Variants in KHDRBS2 observed in about 807,000 individuals in gnomAD.
KHDRBS2 encodes KH RNA binding domain containing, signal transduction associated 2.
A neutral mutation model predicts 44.3 loss-of-function variants in KHDRBS2; 26 were observed. The ratio of observed to expected loss-of-function variants is 0.59; its 90% CI spans 0.43 to 0.81. The LOEUF (loss-of-function observed/expected upper bound fraction) is 0.81. Among genes scored for constraint, KHDRBS2 ranks in the 40% least tolerant of loss-of-function variants. The pLI, the probability that KHDRBS2 is intolerant of heterozygous loss-of-function variation, is 0.00. For missense variants in KHDRBS2, 476 were observed against 433.1 expected, an observed-to-expected ratio of 1.10 and a Z score of -0.88; for synonymous variants, 194 against 151.1, an observed-to-expected ratio of 1.28 and a Z score of -2.08.
chr6:62,132,564 C>T (rs1243651547), intron 2 of KHDRBS2, among the ~76,000 whole-genome samples: 1 of 152,126 alleles, frequency 6.6e-6, no homozygotes, highest in East Asian at 1.9e-4. Context: ...AAGCAGCTAC[C>T]ATGGTTGAAG....
At chr6:61,757,410 G>A (rs774826199) in intron 6 of KHDRBS2, among the ~76,000 whole-genome samples, 8 of 152,002 alleles carry the variant, frequency 5.3e-5, no homozygotes, top group Non-Finnish European at 1.0e-4. Context: ...TTTTTGATTG[G>A]TGTTAGAATA....
At chr6:61,649,537 CTATT>C in the KHDRBS2 span, among the ~76,000 whole-genome samples, 1 of 152,076 alleles carries the variant, frequency 6.6e-6, no homozygotes, top group Admixed American at 6.6e-5. Context: ...AATCAAATGC[CTATT>C]TATCATCTCC....
intron 6 of KHDRBS2, among the ~76,000 whole-genome samples, chr6:61,803,673 T>C (rs1266741122): frequency 1.3e-5 from 2 of 152,250 alleles, no homozygotes; most frequent in East Asian, 1.9e-4. Flanking sequence ...GACTGGGTAA[T>C]TTATGAAGAA....
chr6:62,014,487 G>T (rs958631332), intron 3 of KHDRBS2, among the ~76,000 whole-genome samples: 1 of 152,082 alleles, frequency 6.6e-6, no homozygotes, highest in Non-Finnish European at 1.5e-5. Flanking sequence ...TTTCCTGAAA[G>T]TATAAACATA....
At chr6:62,043,015 T>C (rs1786883958) in intron 3 of KHDRBS2, among the ~76,000 whole-genome samples, 2 of 152,130 alleles carry the variant, frequency 1.3e-5, no homozygotes, top group Non-Finnish European at 2.9e-5. Flanking sequence ...CCATTTGTGA[T>C]TTCCATTTAA....
At chr6:61,928,088 C>T (rs1583552830) in intron 4 of KHDRBS2, among the ~76,000 whole-genome samples, 3 of 152,184 alleles carry the variant, frequency 2.0e-5, no homozygotes, top group African/African-American at 7.2e-5. Flanking sequence ...ACAAGTCATA[C>T]AAATCATGTT....
At chr6:61,586,403 G>A in the KHDRBS2 span, among the ~76,000 whole-genome samples, 7 of 152,020 alleles carry the variant, frequency 4.6e-5, no homozygotes, top group Non-Finnish European at 8.8e-5. Flanking sequence ...TATCTTCCAC[G>A]TTTTCCACCT....
intron 2 of KHDRBS2, among the ~76,000 whole-genome samples, chr6:62,073,587 T>C (rs961788580): frequency 1.3e-5 from 2 of 150,976 alleles, no homozygotes; most frequent in Non-Finnish European, 3.0e-5. Context: ...GTTATTTCCT[T>C]CTGTTTGCTT....
At chr6:61,721,038 C>A (rs1002074263) in intron 7 of KHDRBS2, among the ~76,000 whole-genome samples, 2 of 151,432 alleles carry the variant, frequency 1.3e-5, no homozygotes, top group Non-Finnish European at 2.9e-5. Context: ...AATAGGGAAT[C>A]CTTTCCCCAT....
chr6:61,644,009 C>T, the KHDRBS2 span, among the ~76,000 whole-genome samples: 1 of 151,968 alleles, frequency 6.6e-6, no homozygotes, highest in Non-Finnish European at 1.5e-5. Context: ...CAATCATAAG[C>T]AAAAAGAACA....
chr6:62,002,312 C>T (rs1014322039), intron 3 of KHDRBS2, among the ~76,000 whole-genome samples: 6 of 119,984 alleles, frequency 5.0e-5, no homozygotes, highest in Non-Finnish European at 7.6e-5. Context: ...CAGTACATTG[C>T]TATTGCTTGA....
At chr6:62,084,669 T>C (rs567510845) in intron 2 of KHDRBS2, among the ~76,000 whole-genome samples, 17 of 152,178 alleles carry the variant, frequency 1.1e-4, no homozygotes, top group Non-Finnish European at 2.2e-4. Context: ...TTTTAGGGTA[T>C]GAAATTATTA....
chr6:62,059,131 C>A (rs188029282), intron 2 of KHDRBS2, among the ~76,000 whole-genome samples: 91 of 134,590 alleles, frequency 6.8e-4, no homozygotes, highest in African/African-American at 2.4e-3. Flanking sequence ...GCCATAGAAG[C>A]AGTACAGATT....
chr6:61,552,402 G>T, the KHDRBS2 span, among the ~76,000 whole-genome samples: 133 of 152,270 alleles, frequency 8.7e-4, 1 homozygote, highest in Middle Eastern at 0.017. Context: ...TCAGCTCAAG[G>T]AGCTTTTGGG....
intron 3 of KHDRBS2, among the ~76,000 whole-genome samples, chr6:62,015,140 A>G (rs1780983787): frequency 2.0e-5 from 3 of 152,192 alleles, no homozygotes; most frequent in South Asian, 4.1e-4. Context: ...TGAAATTTAC[A>G]TAATTGAATC....
At chr6:61,580,077 T>A in the KHDRBS2 span, among the ~76,000 whole-genome samples, 1 of 152,208 alleles carries the variant, frequency 6.6e-6, no homozygotes, top group East Asian at 1.9e-4. Flanking sequence ...GAGAAAGGCT[T>A]CTTCTTGATG....
the KHDRBS2 span, among the ~76,000 whole-genome samples, chr6:61,668,640 C>T: frequency 6.6e-6 from 1 of 150,906 alleles, no homozygotes; most frequent in East Asian, 2.0e-4. Flanking sequence ...ATTACATTCC[C>T]TAAAGGATGT....
chr6:61,975,430 C>A (rs923369975), intron 4 of KHDRBS2, among the ~76,000 whole-genome samples: 5 of 151,946 alleles, frequency 3.3e-5, no homozygotes, highest in Non-Finnish European at 5.9e-5. Flanking sequence ...ATCAAAAGAA[C>A]CTTAGATCAC....
chr6:62,069,485 C>T (rs1794496935), intron 2 of KHDRBS2, among the ~76,000 whole-genome samples: 1 of 151,616 alleles, frequency 6.6e-6, no homozygotes, highest in Non-Finnish European at 1.5e-5. Context: ...CTTTGCTTTG[C>T]TTTCTGAGAG....
Sources: gnomAD v4.1 joint callset for allele counts (sites outside exome capture counted in the v4.1 genomes callset) on GRCh38, gnomAD v4.1.1 for gene constraint, MANE v1.5 for transcripts, NCBI Gene and HGNC (gene_info 2026-07-23, HGNC 2026-07-21) for gene names.